The following DLGAP1 variants were observed in gnomAD, a reference collection of about 807,000 sequenced individuals.
DLGAP1 encodes DLG associated protein 1.
Under a neutral mutation model 90.8 loss-of-function variants are expected in DLGAP1, and 11 were observed. The ratio of observed to expected loss-of-function variants is 0.12; its 90% CI spans 0.08 to 0.20. The LOEUF (loss-of-function observed/expected upper bound fraction) is 0.20, where lower values mean the gene tolerates loss of function less well. Ranked by LOEUF, DLGAP1 falls within the 10% of genes least tolerant of loss-of-function variation. DLGAP1 has a pLI of 1.00. For missense variants in DLGAP1, 1,050 were observed against 1,333.8 expected, an observed-to-expected ratio of 0.79 and a Z score of 3.31; for synonymous variants, 558 against 540.7, an observed-to-expected ratio of 1.03 and a Z score of -0.44.
At position 4,313,610 on chromosome 18, in the gene DLGAP1, G is replaced by A. The variant is rs1191621725; in HGVS notation, c.-267+141396C>T. ...AATGAACAAATGCAGGACACTCATC[G>A]TTTCTGCCCTGCAAATAGGCTCTGG... is the stretch of plus-strand genomic sequence containing the variant. On this transcript the variant is annotated intron_variant, in intron 1 of 12. Transcript: ENST00000315677. Among the ~76,000 whole-genome samples, 2 of 152,134 alleles carry A rather than the reference G, an allele frequency of 1.3e-5. 1 individual carries two copies. The highest frequency in any genetic ancestry group is 3.9e-4 in the East Asian group (2 of 5,190).
intron 7 of DLGAP1, among the ~76,000 whole-genome samples, chr18:3,625,129 G>C (rs1021257189): frequency 4.6e-5 from 7 of 152,104 alleles, no homozygotes; most frequent in Non-Finnish European, 7.4e-5. Flanking sequence ...CCTCTCTCCC[G>C]AGCAGGCTTC....
intron 1 of DLGAP1, among the ~76,000 whole-genome samples, chr18:4,385,455 T>C (rs567764028): frequency 5.3e-5 from 8 of 151,758 alleles, no homozygotes; most frequent in African/African-American, 1.9e-4. Flanking sequence ...AGTTACATCA[T>C]CACAATACTT....
intron 3 of DLGAP1, among the ~76,000 whole-genome samples, chr18:3,897,606 T>C (rs116011969): frequency 0.044 from 6,721 of 152,206 alleles, 443 homozygotes; most frequent in African/African-American, 0.15. Flanking sequence ...ACATATTAAC[T>C]GCCTTCTGTA....
intron 1 of DLGAP1, among the ~76,000 whole-genome samples, chr18:4,183,771 G>A (rs2077246291): frequency 6.6e-6 from 1 of 152,100 alleles, no homozygotes; most frequent in Non-Finnish European, 1.5e-5. Flanking sequence ...TAACAAGACT[G>A]AGCATTAGTC....
chr18:3,565,396 T>TGA lies in DLGAP1; in HGVS notation c.2057+2093_2057+2094insTC, dbSNP rs2054367104. Reference sequence around the variant, plus strand: ...AACTCCTTACCTCAGGTGATCCACCTGCCTCGGCCTCCCAGACTGCTGGGA... The same window carrying TGA: ...AACTCCTTACCTCAGGTGATCCACCTGAGCCTCGGCCTCCCAGACTGCTGGGA... On this transcript the variant is annotated intron_variant, in intron 9 of 12. Coordinates refer to ENST00000315677, the MANE Select transcript of DLGAP1 (RefSeq NM_004746.4). The surrounding 1 kb of genome is among the most constrained non-coding windows in gnomAD (Gnocchi z 4.0). 6.6e-6 allele frequency among the ~76,000 whole-genome samples: 1 copy of TGA among 151,388 alleles called. No individual in the cohort carries two copies. Among genetic ancestry groups the TGA allele is most frequent in the African/African-American group, 2.4e-5 (1 of 41,274 alleles).
chr18:4,190,824 T>C (rs1358631380), intron 1 of DLGAP1, among the ~76,000 whole-genome samples: 1 of 151,838 alleles, frequency 6.6e-6, no homozygotes, highest in Admixed American at 6.6e-5. Flanking sequence ...CCAAGGACTA[T>C]AATATAGTTT....
At chr18:4,272,159 AATAT>A (rs747453825) in intron 1 of DLGAP1, among the ~76,000 whole-genome samples, 12 of 152,212 alleles carry the variant, frequency 7.9e-5, no homozygotes, top group Non-Finnish European at 1.8e-4. Flanking sequence ...TTGCGTAAGA[AATAT>A]ATATTTATCT....
intron 7 of DLGAP1, among the ~76,000 whole-genome samples, chr18:3,601,531 C>T (rs889980941): frequency 2.0e-5 from 3 of 151,762 alleles, no homozygotes; most frequent in Admixed American, 6.6e-5. Context: ...GGCTACAGTT[C>T]GACTTCACAG....
At chr18:3,538,530 T>C (rs957330590) in intron 9 of DLGAP1, among the ~76,000 whole-genome samples, 1 of 152,344 alleles carries the variant, frequency 6.6e-6, no homozygotes, top group African/African-American at 2.4e-5. Context: ...CAGTAGGCTA[T>C]TTCTGCATTC....
At chr18:4,447,404 A>G (rs1298134679) in intron 1 of DLGAP1, among the ~76,000 whole-genome samples, 1 of 152,230 alleles carries the variant, frequency 6.6e-6, no homozygotes. Flanking sequence ...ACTACTTATA[A>G]ATAGTCTAAA....
At chr18:3,840,155 T>C (rs2068633672) in intron 4 of DLGAP1, among the ~76,000 whole-genome samples, 1 of 152,358 alleles carries the variant, frequency 6.6e-6, no homozygotes, top group East Asian at 1.9e-4. Flanking sequence ...TATTAACATC[T>C]TATTCCTCTT....
At chr18:3,679,145 A>G (rs2060418280) in intron 7 of DLGAP1, among the ~76,000 whole-genome samples, 1 of 152,070 alleles carries the variant, frequency 6.6e-6, no homozygotes, top group Admixed American at 6.6e-5. Flanking sequence ...TTCTTGATCA[A>G]CAAGGCCCCC....
At chr18:4,397,882 C>T (rs1050039738) in intron 1 of DLGAP1, among the ~76,000 whole-genome samples, 1 of 151,962 alleles carries the variant, frequency 6.6e-6, no homozygotes. Flanking sequence ...CTAATAAGAG[C>T]AGGGTTTATG....
At chr18:4,169,771 C>A (rs2076993166) in intron 1 of DLGAP1, among the ~76,000 whole-genome samples, 1 of 152,228 alleles carries the variant, frequency 6.6e-6, no homozygotes, top group African/African-American at 2.4e-5. Context: ...TAGTTCCAAT[C>A]TGTGTTTCTC....
At chr18:3,947,492 C>T (rs1296211383) in intron 3 of DLGAP1, among the ~76,000 whole-genome samples, 5 of 152,230 alleles carry the variant, frequency 3.3e-5, no homozygotes, top group Non-Finnish European at 5.9e-5. Flanking sequence ...TTACTCTGCA[C>T]TCTGGGCATC....
intron 1 of DLGAP1, among the ~76,000 whole-genome samples, chr18:4,413,679 A>C (rs1050160131): frequency 6.6e-6 from 1 of 152,240 alleles, no homozygotes; most frequent in Non-Finnish European, 1.5e-5. Context: ...ACATAGGCAG[A>C]AATAAAATCT....
At chr18:4,093,056 G>A (rs1312471896) in intron 2 of DLGAP1, among the ~76,000 whole-genome samples, 3 of 152,142 alleles carry the variant, frequency 2.0e-5, no homozygotes, top group African/African-American at 7.2e-5. Context: ...TCTTTGATGG[G>A]TTTAAGAACA....
intron 2 of DLGAP1, among the ~76,000 whole-genome samples, chr18:4,114,897 C>T (rs1397857535): frequency 6.6e-6 from 1 of 151,980 alleles, no homozygotes; most frequent in East Asian, 1.9e-4. Flanking sequence ...GTTATTTTTC[C>T]AGTCTGATAG....
chr18:3,573,896 C>G (rs1472683223), intron 8 of DLGAP1, among the ~76,000 whole-genome samples: 1 of 152,052 alleles, frequency 6.6e-6, no homozygotes, highest in East Asian at 1.9e-4. Context: ...GAGACAAGGT[C>G]TCGTTATGTT....
Sources: gnomAD v4.1 joint callset for allele counts (sites outside exome capture counted in the v4.1 genomes callset) on GRCh38, gnomAD v4.1.1 for gene constraint, Gnocchi (gnomAD v3.1) non-coding constraint, MANE v1.5 for transcripts, NCBI Gene and HGNC (gene_info 2026-07-23, HGNC 2026-07-21) for gene names.